APOBEC1: variants seen among roughly 807,000 people sequenced by gnomAD.
APOBEC1 encodes C->U-editing enzyme APOBEC-1.
A neutral mutation model predicts 26.3 loss-of-function variants in APOBEC1; 22 were observed. The ratio of observed to expected loss-of-function variants is 0.84; its 90% CI spans 0.60 to 1.19. The LOEUF is 1.19. Among genes scored for constraint, APOBEC1 ranks in the 50% most tolerant of loss-of-function variants. APOBEC1 has a pLI of 0.00. For synonymous variants in APOBEC1, 77 were observed against 95.3 expected (o/e 0.81, Z 1.12); for missense variants, 253 against 289.0 (o/e 0.88, Z 0.90).
At chr12:7,658,939 G>C (rs1308055404) in intron 1 of APOBEC1, among the ~76,000 whole-genome samples, 1 of 129,150 alleles carries the variant, frequency 7.7e-6, no homozygotes, top group Admixed American at 8.6e-5. Flanking sequence ...GGCAACGAGA[G>C]CAAAACTCCA....
At position 7,649,488 on chromosome 12, in the gene APOBEC1, C is replaced by T; in HGVS notation, c.*59G>A. 2 of 1,566,934 alleles carry T rather than the reference C, an allele frequency of 1.3e-6. No homozygotes were observed. The highest frequency in any genetic ancestry group is 1.7e-6 in the Non-Finnish European group (2 of 1,148,142). On this transcript the variant is annotated 3_prime_UTR_variant, in exon 5 of 5. Coordinates refer to ENST00000229304, the MANE Select transcript of APOBEC1 (RefSeq NM_001644.5). ...ATTTCTAGATTCTAAATGGCATTCACTCTTTAGTGGGTCATCATTGCTTGT... is the reference window on the plus strand; with the variant it reads ...ATTTCTAGATTCTAAATGGCATTCATTCTTTAGTGGGTCATCATTGCTTGT...
At chr12:7,666,435 A>G (rs2076280267), upstream of APOBEC1, among the ~76,000 whole-genome samples, 1 of 151,820 alleles carries the variant, frequency 6.6e-6, no homozygotes, top group South Asian at 2.1e-4. Context: ...CTGGGATTAC[A>G]GGCGCCCAAC....
At chr12:7,665,155 C>T (rs1263607837) in intron 1 of APOBEC1, among the ~76,000 whole-genome samples, 1 of 152,290 alleles carries the variant, frequency 6.6e-6, no homozygotes, top group Non-Finnish European at 1.5e-5. Context: ...TTCTTCCTCT[C>T]CCATGCATTT....
At chr12:7,651,175 G>A (rs1863632780) in intron 3 of APOBEC1, 34 bp from the exon 4 acceptor site, 18 of 1,445,002 alleles carry the variant, frequency 1.2e-5, no homozygotes, top group Non-Finnish European at 1.8e-5. Context: ...CATTCAACAA[G>A]CACAATGGTA....
intron 2 of APOBEC1, among the ~76,000 whole-genome samples, chr12:7,654,372 CTTTTT>C (rs373055650): frequency 7.3e-6 from 1 of 136,590 alleles, no homozygotes; most frequent in Non-Finnish European, 1.5e-5. Context: ...TCCACAGTTC[CTTTTT>C]TTTTTTTTTT....
intron 1 of APOBEC1, among the ~76,000 whole-genome samples, chr12:7,660,380 G>GAAAGAA (rs1863795574): frequency 2.0e-5 from 2 of 99,834 alleles, no homozygotes; most frequent in African/African-American, 8.0e-5. Context: ...AGGAAGGAAA[G>GAAAGAA]AAAGAAAGAA....
chr12:7,652,674 T>G lies in APOBEC1; in HGVS notation c.206A>C (p.Lys69Thr). 6.2e-7 allele frequency: 1 copy of G among 1,614,076 alleles called. No homozygotes were observed. The change falls in exon 3 of 5, where the codon AAA becomes ACA. Residue 69 changes from lysine (K) to threonine (T), a missense_variant. By Grantham distance (78) the Lys-to-Thr change is moderately conservative (BLOSUM62 -1). Transcript: ENST00000229304. ...TNHVEVNFIK[K>T]FTSERDFHPS... is the part of the protein sequence containing the mutation. ...GTGAAAATCTCTTTCTGACGTAAAT[T>G]TTTTTATAAAATTAACTTCCACGTG...
At chr12:7,666,220 C>A (rs1863890299), upstream of APOBEC1, among the ~76,000 whole-genome samples, 1 of 152,010 alleles carries the variant, frequency 6.6e-6, no homozygotes, top group Non-Finnish European at 1.5e-5. Context: ...GTGGATCCAT[C>A]ATTCTTTTTT....
chr12:7,660,410 A>AAGAAAGAAAGAAGGAAAGAAAGAAAG lies in APOBEC1; in HGVS notation c.16+5446_16+5447insCTTTCTTTCTTTCCTTCTTTCTTTCT, dbSNP rs111744018. 3.6e-5 allele frequency among the ~76,000 whole-genome samples: 3 copies of AAGAAAGAAAGAAGGAAAGAAAGAAAG among 84,270 alleles called. 1 individual carries two copies. The highest frequency in any genetic ancestry group is 1.1e-4 in the Admixed American group (1 of 8,898). The allele number at this position is 84,270 out of a possible 152,430, so 55.3% of individuals were successfully genotyped here. ...AAAGAAAGAAAGAAAGAAAGAAAGAAAGAGAGGGTATTTGGGCCAGGGACA... is the reference window on the plus strand; with the variant it reads ...AAAGAAAGAAAGAAAGAAAGAAAGAAAGAAAGAAAGAAGGAAAGAAAGAAAGAGAGAGGGTATTTGGGCCAGGGACA... On this transcript the variant is annotated intron_variant, in intron 1 of 4. Coordinates refer to ENST00000229304, the MANE Select transcript of APOBEC1 (RefSeq NM_001644.5).
At chr12:7,658,299 T>C (rs1453691672) in intron 1 of APOBEC1, among the ~76,000 whole-genome samples, 3 of 152,144 alleles carry the variant, frequency 2.0e-5, no homozygotes, top group South Asian at 2.1e-4. Flanking sequence ...CCTGGCCTCA[T>C]GTGATCTGCC....
At chr12:7,663,183 T>A (rs1379337776) in intron 1 of APOBEC1, among the ~76,000 whole-genome samples, 1 of 152,146 alleles carries the variant, frequency 6.6e-6, no homozygotes, top group Non-Finnish European at 1.5e-5. Context: ...TGGAAGACAC[T>A]TCCTTTAAAA....
At chr12:7,651,232 G>C (rs902635824) in intron 3 of APOBEC1, 91 bp from the exon 4 acceptor site, 12 of 865,422 alleles carry the variant, frequency 1.4e-5, no homozygotes, top group Admixed American at 3.7e-5. Flanking sequence ...TAGAAAGCCT[G>C]TAGTCTCTAG....
chr12:7,659,745 G>A (rs1311763491), intron 1 of APOBEC1, among the ~76,000 whole-genome samples: 3 of 152,122 alleles, frequency 2.0e-5, no homozygotes, highest in Admixed American at 1.3e-4. Flanking sequence ...CGAGGTGGGC[G>A]GATCATGAGG....
rs372594939 is a variant in APOBEC1, at chr12:7,659,735, C to G, written c.17-5103G>C. Among the ~76,000 whole-genome samples, 345 of 151,986 alleles carry G rather than the reference C, an allele frequency of 2.3e-3. 2 individuals are homozygous for G. The highest frequency in any genetic ancestry group is 7.8e-3 in the African/African-American group (325 of 41,458). On this transcript the variant is annotated intron_variant, in intron 1 of 4. Transcript: ENST00000229304. Reference sequence around the variant, plus strand: ...CTGTAATCCCAGCACTTTGGGAGGCCGAGGTGGGCGGATCATGAGGTCAGG... The same window carrying G: ...CTGTAATCCCAGCACTTTGGGAGGCGGAGGTGGGCGGATCATGAGGTCAGG...
intron 1 of APOBEC1, among the ~76,000 whole-genome samples, chr12:7,665,602 A>C (rs1373808147): frequency 6.6e-6 from 1 of 151,996 alleles, no homozygotes; most frequent in Non-Finnish European, 1.5e-5. Flanking sequence ...CTGGCTACTT[A>C]ATTTTTTATC....
intron 1 of APOBEC1, among the ~76,000 whole-genome samples, chr12:7,660,376 G>GAAGGAAGGAGGAAAGGAAAGAAAGAA (rs1290120140): frequency 1.6e-5 from 1 of 60,982 alleles, no homozygotes; most frequent in Non-Finnish European, 4.1e-5. Context: ...AGGAAGGAAG[G>GAAGGAAGGAGGAAAGGAAAGAAAGAA]AAAGAAAGAA....
intron 1 of APOBEC1, among the ~76,000 whole-genome samples, chr12:7,657,134 C>T (rs910837899): frequency 2.0e-5 from 3 of 151,660 alleles, no homozygotes; most frequent in African/African-American, 4.8e-5. Flanking sequence ...GTAACATAAA[C>T]ATCTCAATTA....
intron 2 of APOBEC1, among the ~76,000 whole-genome samples, chr12:7,653,552 C>G (rs990217849): frequency 6.9e-6 from 1 of 144,964 alleles, no homozygotes; most frequent in Admixed American, 7.1e-5. Context: ...ATCTCCCCTT[C>G]CTGGACTCAA....
upstream of APOBEC1, among the ~76,000 whole-genome samples, chr12:7,669,257 G>T (rs867481073): frequency 6.6e-6 from 1 of 151,620 alleles, no homozygotes; most frequent in Non-Finnish European, 1.5e-5. Context: ...TAGAGACGGG[G>T]TTTCACCATG....
Sources: gnomAD v4.1 joint callset for allele counts (sites outside exome capture counted in the v4.1 genomes callset) on GRCh38, gnomAD v4.1.1 for gene constraint, MANE v1.5 for transcripts, NCBI Gene and HGNC (gene_info 2026-07-23, HGNC 2026-07-21) for gene names.